The following HTR4 variants were observed in gnomAD, a reference collection of about 807,000 sequenced individuals.
HTR4 encodes 5-hydroxytryptamine receptor 4.
Under a neutral mutation model 36.8 loss-of-function variants are expected in HTR4, and 16 were observed. The ratio of observed to expected loss-of-function variants is 0.43; its 90% confidence interval spans 0.29 to 0.66. HTR4 has a LOEUF of 0.66. HTR4 is among the 30% of genes least tolerant of loss of function. HTR4 has a pLI of 0.13. For synonymous variants in HTR4, 189 were observed against 185.1 expected, an observed-to-expected ratio of 1.02 and a Z score of -0.17; for missense variants, 438 against 490.9, an observed-to-expected ratio of 0.89 and a Z score of 1.02.
At chr5:148,516,751 G>C (rs1420551530) in intron 5 of HTR4, among the ~76,000 whole-genome samples, 2 of 151,614 alleles carry the variant, frequency 1.3e-5, no homozygotes, top group Non-Finnish European at 2.9e-5. Flanking sequence ...TACAGGGTCT[G>C]GTGACTTAAT....
At chr5:148,547,733 A>C (rs1185089604) in intron 4 of HTR4, among the ~76,000 whole-genome samples, 1 of 151,814 alleles carries the variant, frequency 6.6e-6, no homozygotes, top group Non-Finnish European at 1.5e-5. Flanking sequence ...CCCTATAAAA[A>C]ATAAATAAGA....
chr5:148,574,073 T>C (rs1474114536), intron 2 of HTR4, among the ~76,000 whole-genome samples: 1 of 152,028 alleles, frequency 6.6e-6, no homozygotes, highest in African/African-American at 2.4e-5. Flanking sequence ...AGTCCCATCA[T>C]TGCTCCTTTT....
chr5:148,571,453 T>C (rs1207269426), intron 2 of HTR4, among the ~76,000 whole-genome samples: 1 of 152,118 alleles, frequency 6.6e-6, no homozygotes, highest in East Asian at 1.9e-4. Context: ...TACTCTCCTT[T>C]TATTGCTTCT....
intron 4 of HTR4, among the ~76,000 whole-genome samples, chr5:148,525,354 T>C (rs1758219730): frequency 6.6e-6 from 1 of 152,216 alleles, no homozygotes; most frequent in Admixed American, 6.5e-5. Flanking sequence ...TGTTTCCTTC[T>C]TGATTTCCTG....
intron 2 of HTR4, among the ~76,000 whole-genome samples, chr5:148,596,041 C>G (rs1761758281): frequency 6.6e-6 from 1 of 152,174 alleles, no homozygotes; most frequent in South Asian, 2.1e-4. Context: ...CAGCATATGG[C>G]GTTTGTGCTT....
intron 6 of HTR4, among the ~76,000 whole-genome samples, chr5:148,489,473 C>A (rs773867080): frequency 6.6e-6 from 1 of 152,248 alleles, no homozygotes; most frequent in Non-Finnish European, 1.5e-5. Flanking sequence ...ACTTAAGATA[C>A]TGAGGGATAA....
intron 6 of HTR4, among the ~76,000 whole-genome samples, chr5:148,507,142 A>T (rs1262808585): frequency 1.3e-5 from 2 of 152,096 alleles, no homozygotes; most frequent in African/African-American, 2.4e-5. Context: ...CATCAATGAT[A>T]GACAGGATTA....
At chr5:148,499,784 G>C (rs1016737223) in intron 6 of HTR4, among the ~76,000 whole-genome samples, 2 of 152,168 alleles carry the variant, frequency 1.3e-5, no homozygotes, top group Admixed American at 6.5e-5. Flanking sequence ...CACATGAATG[G>C]CTTGGTGCCC....
At chr5:148,502,831 A>T (rs1392755618) in intron 6 of HTR4, among the ~76,000 whole-genome samples, 1 of 152,214 alleles carries the variant, frequency 6.6e-6, no homozygotes, top group African/African-American at 2.4e-5. Flanking sequence ...AAGGCACGAG[A>T]ACTACGTGAC....
chr5:148,525,750 A>G (rs185144568), intron 4 of HTR4, among the ~76,000 whole-genome samples: 111 of 152,278 alleles, frequency 7.3e-4, no homozygotes, highest in African/African-American at 2.6e-3. Flanking sequence ...AGCTGGTGTC[A>G]TGGGTTGAAT....
chr5:148,490,134 C>CATATACATGTATATATATAATATATA (rs1756347514), intron 6 of HTR4, among the ~76,000 whole-genome samples: 2 of 147,888 alleles, frequency 1.4e-5, no homozygotes, highest in Non-Finnish European at 3.0e-5. Context: ...TGTATATATA[C>CATATACATGTATATATATAATATATA]ATATACATGT....
chr5:148,607,446 G>A (rs568313454), intron 2 of HTR4, among the ~76,000 whole-genome samples: 1 of 152,188 alleles, frequency 6.6e-6, no homozygotes, highest in Non-Finnish European at 1.5e-5. Flanking sequence ...ATACTTGAAG[G>A]AAATAAAATT....
rs145729392 is a variant in HTR4, at chr5:148,481,614, G to A, written c.*1589C>T. ...CCTTATTCCAAAGTTTCTTCCTGTC[G>A]GTTTCAGTTCCAGAACTAAAGTAAA... On this transcript the variant is annotated 3_prime_UTR_variant, in exon 7 of 7. Transcript: ENST00000377888. 3.3e-6 allele frequency: 5 copies of A among 1,507,276 alleles called. No homozygotes were observed. The highest frequency in any genetic ancestry group is 1.4e-5 in the African/African-American group (1 of 70,498). The allele number at this position is 1,507,276 out of a possible 1,614,324, so 93.4% of individuals were successfully genotyped here. A position where few individuals can be genotyped will look rare whatever the true frequency, so the allele number is the denominator to read the frequency against.
chr5:148,531,355 T>G (rs1282292256), intron 4 of HTR4, among the ~76,000 whole-genome samples: 1 of 152,122 alleles, frequency 6.6e-6, no homozygotes, highest in Non-Finnish European at 1.5e-5. Context: ...ATTCTCATGA[T>G]GGTGAATGGG....
At chr5:148,513,525 C>T (rs1489560993) in intron 5 of HTR4, among the ~76,000 whole-genome samples, 1 of 152,172 alleles carries the variant, frequency 6.6e-6, no homozygotes, top group East Asian at 1.9e-4. Context: ...ACTGCTTTAA[C>T]TTCTATAACT....
Position 148,548,712 on chromosome 5 carries a change from G to C in HTR4, c.309C>G (p.Leu103=), listed in dbSNP as rs1342467879. 2 of 1,611,664 alleles carry C rather than the reference G, an allele frequency of 1.2e-6. No individual in the cohort carries two copies. The highest frequency in any genetic ancestry group is 1.3e-5 in the African/African-American group (1 of 74,914). Residue 103 remains leucine (L), a synonymous_variant, in exon 4 of 7, where the codon CTC becomes CTG. Coordinates refer to ENST00000377888, the MANE Select transcript of HTR4 (RefSeq NM_000870.7). ...ACAGGTGAAAAATCGATGCCGTTGT[G>C]AGCAGGACGTCCAGAGATGTCCGAA... ...CLVRTSLDVL[L]TTASIFHLCC...
chr5:148,594,809 T>C (rs1258825652), intron 2 of HTR4, among the ~76,000 whole-genome samples: 3 of 152,216 alleles, frequency 2.0e-5, no homozygotes, highest in African/African-American at 7.2e-5. Context: ...TCCATGAAGT[T>C]CTATGGCTAT....
At chr5:148,457,065 A>G (rs1755117366) in intron 5 of HTR4, among the ~76,000 whole-genome samples, 1 of 152,186 alleles carries the variant, frequency 6.6e-6, no homozygotes, top group Admixed American at 6.5e-5. Context: ...GGGAACTAGT[A>G]GTACAATAAT....
chr5:148,569,736 GAGA>G (rs1760600532), intron 2 of HTR4, among the ~76,000 whole-genome samples: 1 of 151,770 alleles, frequency 6.6e-6, no homozygotes. Context: ...AATAAAAACT[GAGA>G]AGAAGAGGGA....
Sources: gnomAD v4.1 joint callset for allele counts (sites outside exome capture counted in the v4.1 genomes callset) on GRCh38, gnomAD v4.1.1 for gene constraint, MANE v1.5 for transcripts, NCBI Gene and HGNC (gene_info 2026-07-23, HGNC 2026-07-21) for gene names.